The following SPATA6L variants were observed in gnomAD, a reference collection of about 807,000 sequenced individuals.
SPATA6L encodes spermatogenesis associated 6-like protein.
In SPATA6L, 68 loss-of-function variants were observed where a neutral mutation model predicts 49.2. That is an observed-to-expected ratio of 1.38 (90% CI 1.14 to 1.69). SPATA6L has a LOEUF of 1.69. SPATA6L is among the 40% of genes most tolerant of loss of function. The pLI, the probability that SPATA6L is intolerant of heterozygous loss-of-function variation, is 0.00. For missense variants in SPATA6L, 668 were observed against 464.3 expected (o/e 1.44, Z -4.03); for synonymous variants, 198 against 165.7 (o/e 1.19, Z -1.50).
chr9:4,656,298 G>C (rs1482232542), intron 2 of SPATA6L, among the ~76,000 whole-genome samples: 4 of 152,222 alleles, frequency 2.6e-5, no homozygotes, highest in Non-Finnish European at 5.9e-5. Flanking sequence ...AGTTAGCTGG[G>C]CATGGTGGCT....
chr9:4,618,794 G>C, intron 8 of SPATA6L, 70 bp downstream of exon 8: 3 of 1,444,916 alleles, frequency 2.1e-6, no homozygotes, highest in South Asian at 1.2e-5. Context: ...CCACTGATTG[G>C]AAAAAGCACA....
downstream of SPATA6L, among the ~76,000 whole-genome samples, chr9:4,597,456 T>G (rs1012772107): frequency 2.0e-5 from 3 of 151,380 alleles, no homozygotes; most frequent in African/African-American, 7.3e-5. Context: ...GACTAGAAAC[T>G]CCTCATTTTG....
intron 3 of SPATA6L, chr9:4,646,379 T>A (rs765954292): frequency 3.2e-6 from 2 of 629,784 alleles, no homozygotes; most frequent in Admixed American, 3.6e-5. Context: ...CATAAAGTTG[T>A]ATGTTATTTT....
rs761430408 is a variant in SPATA6L, at chr9:4,604,224, A to G, written c.1135T>C (p.Tyr379His). The G allele has an allele frequency of 1.9e-6, 3 of 1,612,218 alleles. No homozygotes were observed. Among genetic ancestry groups the G allele is most frequent in the Admixed American group, 1.7e-5 (1 of 59,866 alleles). Residue 379 changes from tyrosine to histidine, a missense_variant, in exon 11 of 12, where the codon TAC (tyrosine) becomes CAC (histidine). By Grantham distance (83) the Tyr-to-His change is moderately conservative. Transcript: ENST00000682582. ...TGCAGTGAGTATTTCTTCAGAGGGT[A>G]GCTTGGTCTTTCAATGATATAATTT... is the stretch of plus-strand genomic sequence containing the variant. ...EVNYIIERPS[Y>H]PLKKYSLHEQ...
downstream of SPATA6L, among the ~76,000 whole-genome samples, chr9:4,595,938 G>T (rs1411120280): frequency 6.6e-6 from 1 of 152,182 alleles, no homozygotes; most frequent in Non-Finnish European, 1.5e-5. Context: ...CAGAGCCTTT[G>T]GCTGGTTTAG....
In SPATA6L at chr9:4,665,121, C is replaced by G. The variant is rs538673546; in HGVS notation, c.39+1091G>C. 1.8e-5 allele frequency: 3 copies of G among 167,226 alleles called. No homozygotes were observed. The East Asian group carries it at 5.8e-4, about 32-fold the overall frequency. The allele number at this position is 167,226 out of a possible 1,614,324, so 10.4% of individuals were successfully genotyped here. On this transcript the variant is annotated intron_variant, in intron 1 of 11. Transcript: ENST00000682582. ...AGTTGCTGAGGCCTGAGTTTTCTGG[C>G]TCTTAAAGCATAGATCATTTCACCT...
At chr9:4,595,612 G>T (rs1055462311), downstream of SPATA6L, among the ~76,000 whole-genome samples, 3 of 152,020 alleles carry the variant, frequency 2.0e-5, no homozygotes, top group African/African-American at 7.3e-5. Context: ...ACTCTCCCCA[G>T]TTGCCTCACT....
chr9:4,649,300 C>G (rs1836265394), intron 3 of SPATA6L, among the ~76,000 whole-genome samples: 1 of 152,206 alleles, frequency 6.6e-6, no homozygotes, highest in African/African-American at 2.4e-5. Context: ...TAAGGAATCT[C>G]TACACTATTT....
At chr9:4,604,114 G>A (rs547277081) in intron 11 of SPATA6L, 65 bp downstream of exon 11, 92 of 1,118,942 alleles carry the variant, frequency 8.2e-5, no homozygotes, top group Middle Eastern at 7.3e-4. Flanking sequence ...GGAGGAAACT[G>A]AAATTCTTTT....
chr9:4,589,130 A>G (rs1337919373), intron 13 of SPATA6L, among the ~76,000 whole-genome samples: 1 of 152,184 alleles, frequency 6.6e-6, no homozygotes, highest in African/African-American at 2.4e-5. Flanking sequence ...CTTGCCAACA[A>G]CCGAAACCTT....
At chr9:4,626,241 C>A in intron 5 of SPATA6L, 1 of 413,354 alleles carries the variant, frequency 2.4e-6, no homozygotes, top group Non-Finnish European at 3.7e-6. Flanking sequence ...AGATTATAGC[C>A]TTTCCCCTAT....
intron 3 of SPATA6L, among the ~76,000 whole-genome samples, chr9:4,648,778 G>T (rs927555197): frequency 6.6e-6 from 1 of 151,928 alleles, no homozygotes; most frequent in African/African-American, 2.4e-5. Context: ...CCCATCACCC[G>T]AGCAGTACAC....
At chr9:4,648,618 T>G (rs1049400165) in intron 3 of SPATA6L, among the ~76,000 whole-genome samples, 109 of 151,750 alleles carry the variant, frequency 7.2e-4, no homozygotes, top group Non-Finnish European at 1.2e-3. Context: ...GAGAATGGCG[T>G]GAACCCGGGA....
chr9:4,647,001 A>C (rs746445433), intron 3 of SPATA6L, among the ~76,000 whole-genome samples: 1 of 152,108 alleles, frequency 6.6e-6, no homozygotes, highest in Non-Finnish European at 1.5e-5. Flanking sequence ...CAATCTGTAC[A>C]ACAAATCCCC....
In SPATA6L at chr9:4,656,036, C is replaced by G. The variant is rs1177400952; in HGVS notation, c.226+5G>C. ...GTTTTTTGTTTTGTTTTTCAGAGTA[C>G]CTACTTTCCAAAAGGTCTACTACAG... On this transcript the variant is annotated splice_donor_5th_base_variant and intron_variant, in intron 3 of 11. Transcript: ENST00000682582. 6.2e-7 allele frequency: 1 copy of G among 1,610,146 alleles called. No homozygotes were observed. Among genetic ancestry groups the G allele is most frequent in the Non-Finnish European group, 8.5e-7 (1 of 1,177,804 alleles).
At chr9:4,621,576 C>T (rs140585938) in intron 7 of SPATA6L, among the ~76,000 whole-genome samples, 7,645 of 152,114 alleles carry the variant, frequency 0.05, 293 homozygotes, top group Middle Eastern at 0.089. Flanking sequence ...GCAACCTCTG[C>T]CTCCCGGGTT....
intron 10 of SPATA6L, among the ~76,000 whole-genome samples, chr9:4,604,800 G>A (rs1484336826): frequency 1.3e-5 from 2 of 152,282 alleles, no homozygotes; most frequent in South Asian, 2.1e-4. Flanking sequence ...TCTTTGAGCA[G>A]GTGAACTGCC....
chr9:4,652,283 G>A (rs1385859695), intron 3 of SPATA6L, among the ~76,000 whole-genome samples: 3 of 152,068 alleles, frequency 2.0e-5, no homozygotes, highest in African/African-American at 4.8e-5. Context: ...TTAGCCGGGT[G>A]TGGTGGTGCA....
intron 3 of SPATA6L, 90 bp downstream of exon 3, chr9:4,655,951 T>C (rs1838059450): frequency 9.2e-6 from 9 of 974,974 alleles, no homozygotes; most frequent in Non-Finnish European, 1.1e-5. Flanking sequence ...AACATGAACA[T>C]ATCACAGTTT....
Sources: allele counts gnomAD v4.1 joint callset (sites outside exome capture counted in the v4.1 genomes callset), GRCh38; gene constraint gnomAD v4.1.1; transcripts MANE v1.5; gene names NCBI Gene and HGNC (gene_info 2026-07-23, HGNC 2026-07-21).